USP31: variants seen among roughly 807,000 people sequenced by gnomAD.
USP31 encodes ubiquitin specific peptidase 31.
Under a neutral mutation model 119.4 loss-of-function variants are expected in USP31, and 44 were observed. The ratio of observed to expected loss-of-function variants is 0.37; its 90% CI spans 0.29 to 0.47. The LOEUF is 0.47. USP31 is among the 20% of genes least tolerant of loss of function. The pLI is 0.99. For synonymous variants in USP31, 749 were observed against 705.6 expected (o/e 1.06, Z -0.97); for missense variants, 1,643 against 1,730.2 (o/e 0.95, Z 0.89).
chr16:23,126,548 A>T (rs1902862100), intron 1 of USP31, among the ~76,000 whole-genome samples: 1 of 150,606 alleles, frequency 6.6e-6, no homozygotes, highest in Non-Finnish European at 1.5e-5. Flanking sequence ...AATGGTGTGA[A>T]CCCGGGAGGT....
chr16:23,129,697 T>C (rs895656043), intron 1 of USP31, among the ~76,000 whole-genome samples: 15 of 152,226 alleles, frequency 9.9e-5, no homozygotes, highest in Admixed American at 9.8e-4. Context: ...TTGGCTATTA[T>C]TACTATTATT....
At chr16:23,111,653 T>C (rs1048554033) in intron 1 of USP31, among the ~76,000 whole-genome samples, 3 of 152,090 alleles carry the variant, frequency 2.0e-5, no homozygotes, top group African/African-American at 7.2e-5. Flanking sequence ...CTGAGAGTGC[T>C]CAGACATCAT....
chr16:23,126,590 G>A (rs1304625843), intron 1 of USP31, among the ~76,000 whole-genome samples: 4 of 149,390 alleles, frequency 2.7e-5, no homozygotes, highest in Non-Finnish European at 5.9e-5. Flanking sequence ...TCACACCACC[G>A]CACTCCAGCC....
At chr16:23,122,240 T>C (rs1403726356) in intron 1 of USP31, among the ~76,000 whole-genome samples, 1 of 152,192 alleles carries the variant, frequency 6.6e-6, no homozygotes, top group Non-Finnish European at 1.5e-5. Context: ...TATATACTTA[T>C]TGCAAACCAA....
intron 1 of USP31, among the ~76,000 whole-genome samples, chr16:23,131,577 A>G (rs1378350807): frequency 6.6e-6 from 1 of 152,180 alleles, no homozygotes; most frequent in Non-Finnish European, 1.5e-5. Context: ...TTGTGTCACT[A>G]GAGTACCAAA....
rs182648830 is a variant in USP31 at position 23,136,218 on chromosome 16, A to C, written c.633+12420T>G. Reference sequence around the variant, plus strand: ...AAAATTAATTCAAAATGGATCAAAAACCTAAACATAAGAACTAAAACTATA... The same window carrying C: ...AAAATTAATTCAAAATGGATCAAAACCCTAAACATAAGAACTAAAACTATA... On this transcript the variant is annotated intron_variant, in intron 1 of 15. Transcript: ENST00000219689. Among the ~76,000 whole-genome samples the C allele has an allele frequency of 3.8e-3, 578 of 152,360 alleles. 3 individuals are homozygous for C. The highest frequency in any genetic ancestry group is 5.6e-3 in the Non-Finnish European group (380 of 68,036).
At chr16:23,146,765 A>G (rs1012399863) in intron 1 of USP31, among the ~76,000 whole-genome samples, 1 of 152,172 alleles carries the variant, frequency 6.6e-6, no homozygotes, top group Non-Finnish European at 1.5e-5. Flanking sequence ...GCAGATCCTC[A>G]GCTAGATGAC....
At chr16:23,114,706 T>C (rs1190439684) in intron 1 of USP31, among the ~76,000 whole-genome samples, 2 of 152,140 alleles carry the variant, frequency 1.3e-5, no homozygotes, top group African/African-American at 4.8e-5. Context: ...CAACAACATG[T>C]TTGTTGGGCA....
chr16:23,076,945 A>G (rs1250269045), intron 13 of USP31, among the ~76,000 whole-genome samples: 3 of 152,350 alleles, frequency 2.0e-5, no homozygotes, highest in South Asian at 4.1e-4. Context: ...GAACACAGAC[A>G]TGACTGGTAA....
intron 1 of USP31, among the ~76,000 whole-genome samples, chr16:23,117,216 C>T (rs916860082): frequency 6.6e-6 from 1 of 152,166 alleles, no homozygotes; most frequent in African/African-American, 2.4e-5. Flanking sequence ...CATAGGATAA[C>T]TCAAGTATAG....
At chr16:23,134,327 T>C (rs1903121154) in intron 1 of USP31, among the ~76,000 whole-genome samples, 1 of 152,166 alleles carries the variant, frequency 6.6e-6, no homozygotes, top group Non-Finnish European at 1.5e-5. Flanking sequence ...AGGATGATCA[T>C]AAGGTTGGAG....
intron 13 of USP31, among the ~76,000 whole-genome samples, chr16:23,077,503 G>C (rs1900627824): frequency 6.6e-6 from 1 of 152,158 alleles, no homozygotes. Context: ...GATGGGGAGG[G>C]AGGTTCACGG....
intron 6 of USP31, 21 bp from the exon 7 acceptor site, chr16:23,090,825 C>T (rs772066328): frequency 2.0e-6 from 3 of 1,475,138 alleles, no homozygotes; most frequent in Non-Finnish European, 2.7e-6. Flanking sequence ...ATAAAAACAA[C>T]TCATTTTATC....
At chr16:23,131,765 C>T (rs747354684) in intron 1 of USP31, among the ~76,000 whole-genome samples, 3 of 152,082 alleles carry the variant, frequency 2.0e-5, no homozygotes, top group Non-Finnish European at 2.9e-5. Flanking sequence ...CACAAATAAG[C>T]GGCATTTCCA....
intron 1 of USP31, among the ~76,000 whole-genome samples, chr16:23,118,657 A>G (rs1443369688): frequency 6.6e-6 from 1 of 152,228 alleles, no homozygotes; most frequent in Non-Finnish European, 1.5e-5. Context: ...ATCACTAGAC[A>G]GTGAACAGGA....
intron 1 of USP31, among the ~76,000 whole-genome samples, chr16:23,118,741 G>C (rs570830389): frequency 2.0e-5 from 3 of 152,246 alleles, no homozygotes; most frequent in Non-Finnish European, 4.4e-5. Context: ...AACAATAACA[G>C]TTAATACTTA....
intron 1 of USP31, among the ~76,000 whole-genome samples, chr16:23,124,175 TCCCACTAGC>T (rs1421549560): frequency 6.6e-6 from 1 of 152,158 alleles, no homozygotes; most frequent in East Asian, 1.9e-4. Flanking sequence ...GCCTATGTAG[TCCCACTAGC>T]CCCAAAAGAA....
chr16:23,085,474 G>T, intron 10 of USP31, 111 bp downstream of exon 10: 1 of 986,740 alleles, frequency 1.0e-6, no homozygotes, highest in South Asian at 1.5e-5. Flanking sequence ...TGGATACTTA[G>T]CTAAAGAGAA....
At chr16:23,095,241 G>GTATC (rs1901550428) in intron 6 of USP31, among the ~76,000 whole-genome samples, 1 of 152,162 alleles carries the variant, frequency 6.6e-6, no homozygotes, top group East Asian at 1.9e-4. Flanking sequence ...GGAAGAAAGG[G>GTATC]TATCAGTGAC....
Sources: allele counts gnomAD v4.1 joint callset (sites outside exome capture counted in the v4.1 genomes callset), GRCh38; gene constraint gnomAD v4.1.1; transcripts MANE v1.5; gene names NCBI Gene and HGNC (gene_info 2026-07-23, HGNC 2026-07-21).